The following CD200R1 variants were observed in gnomAD, a reference collection of about 807,000 sequenced individuals.
CD200R1 encodes the protein CD200 receptor 1.
A neutral mutation model predicts 38.1 loss-of-function variants in CD200R1; 30 were observed. The observed-to-expected ratio is 0.79, with a 90% CI of 0.59 to 1.07. The LOEUF is 1.07. CD200R1 is among the 50% of genes least tolerant of loss of function. CD200R1 has a pLI of 0.00. For synonymous variants in CD200R1, 128 were observed against 152.1 expected (o/e 0.84, Z 1.16); for missense variants, 372 against 415.4 (o/e 0.90, Z 0.91).
chr3:112,953,483 G>A (rs936276663), intron 1 of CD200R1, among the ~76,000 whole-genome samples: 2 of 152,176 alleles, frequency 1.3e-5, no homozygotes, highest in South Asian at 2.1e-4. Context: ...GACTTTGGAA[G>A]TATTCCTTCG....
chr3:112,924,167 A>G (rs1320414434), intron 7 of CD200R1, among the ~76,000 whole-genome samples: 1 of 151,880 alleles, frequency 6.6e-6, no homozygotes, highest in African/African-American at 2.4e-5. Flanking sequence ...AGTATTGAAA[A>G]GGAAAAGTCA....
intron 2 of CD200R1, among the ~76,000 whole-genome samples, chr3:112,936,666 A>G (rs1444812257): frequency 6.6e-6 from 1 of 151,656 alleles, no homozygotes. Flanking sequence ...TTTCTTATAC[A>G]TTTGTTTAAG....
At chr3:112,954,017 C>A (rs757608775) in intron 1 of CD200R1, among the ~76,000 whole-genome samples, 2 of 151,990 alleles carry the variant, frequency 1.3e-5, no homozygotes, top group African/African-American at 4.8e-5. Flanking sequence ...GGTCAACATT[C>A]GGTTGTTTAT....
At chr3:112,954,219 G>A (rs1941036108) in intron 1 of CD200R1, among the ~76,000 whole-genome samples, 1 of 151,986 alleles carries the variant, frequency 6.6e-6, no homozygotes, top group Non-Finnish European at 1.5e-5. Flanking sequence ...TAATTTCCAT[G>A]TATTTGTGAA....
intron 1 of CD200R1, among the ~76,000 whole-genome samples, chr3:112,970,845 T>C (rs1933289496): frequency 1.3e-5 from 2 of 152,160 alleles, no homozygotes; most frequent in South Asian, 4.1e-4. Flanking sequence ...GAGTATCTCC[T>C]CCTACATGAG....
At chr3:112,943,459 T>C (rs2107319896) in intron 2 of CD200R1, among the ~76,000 whole-genome samples, 1 of 151,882 alleles carries the variant, frequency 6.6e-6, no homozygotes, top group Non-Finnish European at 1.5e-5. Context: ...TTATCAAAAT[T>C]TGTGGATGCA....
chr3:112,939,643 GAC>G (rs1940675867), intron 2 of CD200R1, among the ~76,000 whole-genome samples: 2 of 151,542 alleles, frequency 1.3e-5, no homozygotes, highest in Non-Finnish European at 3.0e-5. Flanking sequence ...AATTTAAGAA[GAC>G]ACAAAAAATA....
At chr3:112,965,893 G>A (rs1933148243) in intron 1 of CD200R1, among the ~76,000 whole-genome samples, 1 of 152,160 alleles carries the variant, frequency 6.6e-6, no homozygotes, top group Admixed American at 6.5e-5. Flanking sequence ...TAGAAGGAAT[G>A]AGACAAAAAG....
At chr3:112,964,017 C>T (rs1369331362) in intron 1 of CD200R1, among the ~76,000 whole-genome samples, 3 of 152,176 alleles carry the variant, frequency 2.0e-5, no homozygotes, top group Non-Finnish European at 2.9e-5. Context: ...AGGGTGCAAG[C>T]CTCAAGCTGT....
At chr3:112,961,956 G>A (rs576813021) in intron 1 of CD200R1, among the ~76,000 whole-genome samples, 104 of 152,086 alleles carry the variant, frequency 6.8e-4, no homozygotes, top group African/African-American at 2.4e-3. Flanking sequence ...CATACAGATG[G>A]GTTATAAAAA....
intron 2 of CD200R1, among the ~76,000 whole-genome samples, chr3:112,942,718 C>CA (rs1204664550): frequency 6.6e-6 from 1 of 150,402 alleles, no homozygotes; most frequent in Non-Finnish European, 1.5e-5. Context: ...ATGTTGTCTA[C>CA]AAAAAACCTT....
intron 1 of CD200R1, among the ~76,000 whole-genome samples, chr3:112,966,903 C>T (rs1181107890): frequency 2.6e-5 from 4 of 152,168 alleles, no homozygotes; most frequent in East Asian, 1.9e-4. Flanking sequence ...CCAGCAATCT[C>T]GCTGCTCCCA....
intron 3 of CD200R1, 121 bp downstream of exon 3, chr3:112,930,985 A>T: frequency 1.4e-6 from 1 of 697,516 alleles, no homozygotes; most frequent in Admixed American, 2.2e-5. Flanking sequence ...CACAGTACTC[A>T]GATCACCAAG....
intron 2 of CD200R1, among the ~76,000 whole-genome samples, chr3:112,945,354 AT>A (rs1402622578): frequency 6.6e-6 from 1 of 152,232 alleles, no homozygotes; most frequent in African/African-American, 2.4e-5. Flanking sequence ...TCAGTATTTT[AT>A]TAGCAAAAGA....
At chr3:112,964,043 G>A (rs1436762635) in intron 1 of CD200R1, among the ~76,000 whole-genome samples, 2 of 152,222 alleles carry the variant, frequency 1.3e-5, no homozygotes, top group Admixed American at 6.5e-5. Flanking sequence ...CTTCCATGTG[G>A]TGTTGAGCCT....
At chr3:112,972,579 G>A (rs896210028) in intron 1 of CD200R1, among the ~76,000 whole-genome samples, 6 of 152,156 alleles carry the variant, frequency 3.9e-5, no homozygotes, top group Admixed American at 6.5e-5. Flanking sequence ...CACAGGGTAC[G>A]GGGAGTGTCC....
At chr3:112,939,749 C>A (rs1218155390) in intron 2 of CD200R1, among the ~76,000 whole-genome samples, 2 of 149,372 alleles carry the variant, frequency 1.3e-5, no homozygotes, top group Non-Finnish European at 3.0e-5. Context: ...TAATTACTAT[C>A]AAGATACCAA....
At chr3:112,934,410 T>C (rs749381352) in intron 2 of CD200R1, among the ~76,000 whole-genome samples, 1 of 151,686 alleles carries the variant, frequency 6.6e-6, no homozygotes, top group Non-Finnish European at 1.5e-5. Context: ...AAGGCAAGAC[T>C]GTCACCAAGC....
At chr3:112,962,722 C>T (rs1445261541) in intron 1 of CD200R1, among the ~76,000 whole-genome samples, 1 of 152,110 alleles carries the variant, frequency 6.6e-6, no homozygotes, top group East Asian at 1.9e-4. Flanking sequence ...TGTCTGCAAG[C>T]CAGATATAAC....
Sources: gnomAD v4.1 joint callset for allele counts (sites outside exome capture counted in the v4.1 genomes callset) on GRCh38, gnomAD v4.1.1 for gene constraint, MANE v1.5 for transcripts, NCBI Gene and HGNC (gene_info 2026-07-23, HGNC 2026-07-21) for gene names.